PRKCA: variants seen among roughly 807,000 people sequenced by gnomAD.
PRKCA encodes the protein protein kinase C alpha.
Under a neutral mutation model 87.0 loss-of-function variants are expected in PRKCA, and 27 were observed. That is an observed-to-expected ratio of 0.31 (90% CI 0.23 to 0.43). The LOEUF (loss-of-function observed/expected upper bound fraction) is 0.43, where lower values mean the gene tolerates loss of function less well. Among genes scored for constraint, PRKCA ranks in the 20% least tolerant of loss-of-function variants. The pLI is 1.00. For synonymous variants in PRKCA, 329 were observed against 311.1 expected (o/e 1.06, Z -0.61); for missense variants, 518 against 852.3 (o/e 0.61, Z 4.88).
chr17:66,466,638 A>G (rs1447057882), intron 2 of PRKCA, among the ~76,000 whole-genome samples: 2 of 152,206 alleles, frequency 1.3e-5, no homozygotes, highest in African/African-American at 4.8e-5. Context: ...TTAAGAATTG[A>G]TAAGTATTCC....
intron 3 of PRKCA, among the ~76,000 whole-genome samples, chr17:66,519,105 C>A (rs1173967333): frequency 6.6e-6 from 1 of 152,158 alleles, no homozygotes; most frequent in Non-Finnish European, 1.5e-5. Context: ...CATGCTATTT[C>A]TATTGCAGAT....
At chr17:66,749,565 T>A (rs1161609930) in intron 13 of PRKCA, among the ~76,000 whole-genome samples, 1 of 152,304 alleles carries the variant, frequency 6.6e-6, no homozygotes, top group South Asian at 2.1e-4. Flanking sequence ...AAAGATGTAC[T>A]CCTGAACTGA....
intron 3 of PRKCA, among the ~76,000 whole-genome samples, chr17:66,562,119 TAAA>T (rs2143309949): frequency 2.0e-5 from 2 of 100,708 alleles, no homozygotes; most frequent in African/African-American, 4.3e-5. Flanking sequence ...TATATATAAT[TAAA>T]TATATATAAT....
At chr17:66,757,724 T>TTAAACA (rs1974585366) in intron 13 of PRKCA, among the ~76,000 whole-genome samples, 3 of 152,258 alleles carry the variant, frequency 2.0e-5, no homozygotes, top group Admixed American at 2.0e-4. Context: ...GAATTTTTTT[T>TTAAACA]GTTTTTTGGG....
chr17:66,613,529 C>G (rs1970429051), intron 3 of PRKCA, among the ~76,000 whole-genome samples: 2 of 152,050 alleles, frequency 1.3e-5, no homozygotes. Flanking sequence ...CAAAAGACAC[C>G]CATCAAGGTG....
Position 66,742,754 on chromosome 17 carries a change from C to T in PRKCA, c.1518C>T (p.Ala506=). The part of the protein sequence containing the change: ...RTFCGTPDYI[A]PEIIAYQPYG... ...TCTGTGGGACTCCAGATTATATCGC[C>T]CCAGAGGTAGGAACCCCAGTGATCG... Residue 506 remains alanine, a synonymous_variant, in exon 13 of 17, where the codon GCC becomes GCT. Transcript: ENST00000413366. The T allele has an allele frequency of 1.2e-6, 2 of 1,613,668 alleles. No individual in the cohort carries two copies. The highest frequency in any genetic ancestry group is 1.7e-4 in the Middle Eastern group (1 of 6,060).
chr17:66,394,772 G>T (rs1910563254), intron 2 of PRKCA, among the ~76,000 whole-genome samples: 1 of 152,064 alleles, frequency 6.6e-6, no homozygotes, highest in Admixed American at 6.6e-5. Flanking sequence ...GAGTTCTCAC[G>T]AGATCTGATG....
intron 8 of PRKCA, among the ~76,000 whole-genome samples, chr17:66,726,782 T>G (rs35246742): frequency 0.14 from 21,583 of 151,618 alleles, 1,962 homozygotes; most frequent in South Asian, 0.27. Flanking sequence ...CAGAGGGCAG[T>G]GGCACGATCT....
At chr17:66,600,955 CT>C (rs1970046627) in intron 3 of PRKCA, among the ~76,000 whole-genome samples, 1 of 79,964 alleles carries the variant, frequency 1.3e-5, no homozygotes, top group African/African-American at 6.1e-5. Context: ...GAGAGATCCA[CT>C]GTTAGTCTGA....
chr17:66,374,574 C>G (rs949437358), intron 2 of PRKCA, among the ~76,000 whole-genome samples: 1 of 152,140 alleles, frequency 6.6e-6, no homozygotes, highest in Non-Finnish European at 1.5e-5. Context: ...ATTAAGCAAG[C>G]AAGCAAACAA....
chr17:66,643,270 G>A (rs761613929), intron 4 of PRKCA, among the ~76,000 whole-genome samples: 28 of 152,184 alleles, frequency 1.8e-4, no homozygotes, highest in Non-Finnish European at 3.7e-4. Flanking sequence ...AGTCAGCTGG[G>A]ATGGGGAAGC....
chr17:66,539,570 A>T (rs1967911603), intron 3 of PRKCA, among the ~76,000 whole-genome samples: 1 of 151,344 alleles, frequency 6.6e-6, no homozygotes, highest in African/African-American at 2.4e-5. Context: ...CATCCAGCTA[A>T]TTTTTTTTTA....
intron 3 of PRKCA, among the ~76,000 whole-genome samples, chr17:66,602,355 C>T (rs1430912278): frequency 7.0e-6 from 1 of 143,684 alleles, no homozygotes; most frequent in African/African-American, 2.7e-5. Flanking sequence ...TCACCCCTTT[C>T]TTTGACTCGG....
At chr17:66,503,315 C>G (rs1160181517) in intron 3 of PRKCA, among the ~76,000 whole-genome samples, 1 of 152,160 alleles carries the variant, frequency 6.6e-6, no homozygotes, top group East Asian at 1.9e-4. Flanking sequence ...GAACAGAATT[C>G]AGGTGACTTC....
At chr17:66,754,017 G>A (rs144969512) in intron 13 of PRKCA, among the ~76,000 whole-genome samples, 71 of 152,070 alleles carry the variant, frequency 4.7e-4, no homozygotes, top group Middle Eastern at 3.4e-3. Flanking sequence ...GTATTTAACC[G>A]TCTGTTGGCT....
intron 2 of PRKCA, among the ~76,000 whole-genome samples, chr17:66,453,371 G>T (rs566647531): frequency 1.3e-5 from 2 of 150,940 alleles, no homozygotes; most frequent in Admixed American, 6.6e-5. Flanking sequence ...AGACTGGAGC[G>T]CAGTGGCTTG....
chr17:66,418,763 G>GT (rs1912322446), intron 2 of PRKCA, among the ~76,000 whole-genome samples: 2 of 144,276 alleles, frequency 1.4e-5, no homozygotes, highest in African/African-American at 5.1e-5. Context: ...TTGTTTGTTT[G>GT]TTTTTTAAGA....
chr17:66,489,451 A>G (rs1034144425), intron 2 of PRKCA, among the ~76,000 whole-genome samples: 56 of 148,008 alleles, frequency 3.8e-4, no homozygotes, highest in Middle Eastern at 3.6e-3. Context: ...GGATGAACCC[A>G]TTTTGCATAT....
intron 3 of PRKCA, among the ~76,000 whole-genome samples, chr17:66,540,784 T>A (rs1967958926): frequency 6.6e-6 from 1 of 152,198 alleles, no homozygotes; most frequent in African/African-American, 2.4e-5. Context: ...TTGAATATGG[T>A]GGCTTACAAC....
Sources: allele counts gnomAD v4.1 joint callset (sites outside exome capture counted in the v4.1 genomes callset), GRCh38; gene constraint gnomAD v4.1.1; transcripts MANE v1.5; gene names NCBI Gene and HGNC (gene_info 2026-07-23, HGNC 2026-07-21).